KCTD16: variants seen among roughly 807,000 people sequenced by gnomAD.
The protein encoded by KCTD16 is BTB/POZ domain-containing protein KCTD16.
KCTD16 carries 13 observed loss-of-function variants against 33.2 expected under a neutral mutation model. That is an observed-to-expected ratio of 0.39 (90% CI 0.25 to 0.62). KCTD16 has a LOEUF of 0.62. KCTD16 is among the 20% of genes least tolerant of loss of function. The pLI is 0.50. For missense variants in KCTD16, 441 were observed against 525.1 expected (o/e 0.84, Z 1.57); for synonymous variants, 197 against 195.3 (o/e 1.01, Z -0.07).
intron 3 of KCTD16, among the ~76,000 whole-genome samples, chr5:144,239,411 A>C (rs1028163663): frequency 6.6e-6 from 1 of 152,270 alleles, no homozygotes; most frequent in Non-Finnish European, 1.5e-5. Context: ...CAAGACAAAA[A>C]CCACATTACA....
intron 3 of KCTD16, among the ~76,000 whole-genome samples, chr5:144,409,596 C>T (rs61418368): frequency 0.044 from 6,612 of 151,962 alleles, 464 homozygotes; most frequent in African/African-American, 0.15. Flanking sequence ...CTGTGGCTCA[C>T]GCCTGTAATC....
At chr5:144,197,030 A>T (rs1033964791) in intron 2 of KCTD16, among the ~76,000 whole-genome samples, 1 of 152,316 alleles carries the variant, frequency 6.6e-6, no homozygotes, top group Non-Finnish European at 1.5e-5. Flanking sequence ...ATGTGTGTCT[A>T]TGTAGGTCAA....
chr5:144,395,588 C>T (rs954943209), intron 3 of KCTD16, among the ~76,000 whole-genome samples: 4 of 152,204 alleles, frequency 2.6e-5, no homozygotes, highest in Admixed American at 2.0e-4. Flanking sequence ...TTACTCACAG[C>T]CTACCTATTC....
intron 3 of KCTD16, among the ~76,000 whole-genome samples, chr5:144,295,360 C>A (rs1173467659): frequency 1.3e-5 from 2 of 152,128 alleles, no homozygotes; most frequent in African/African-American, 4.8e-5. Flanking sequence ...AATGTGTGTG[C>A]AAATAATGAA....
At chr5:144,189,937 A>G (rs149148151) in intron 2 of KCTD16, among the ~76,000 whole-genome samples, 19 of 152,326 alleles carry the variant, frequency 1.2e-4, no homozygotes, top group African/African-American at 4.1e-4. Flanking sequence ...TGAGGCTGAC[A>G]ACCCACAACC....
At chr5:144,342,497 G>C (rs1752673225) in intron 3 of KCTD16, among the ~76,000 whole-genome samples, 1 of 152,122 alleles carries the variant, frequency 6.6e-6, no homozygotes, top group Non-Finnish European at 1.5e-5. Context: ...GGGTTTTCTA[G>C]ATATACAATC....
chr5:144,383,705 G>T (rs1241740476), intron 3 of KCTD16, among the ~76,000 whole-genome samples: 2 of 151,858 alleles, frequency 1.3e-5, no homozygotes, highest in African/African-American at 4.8e-5. Flanking sequence ...AATGGTGGCT[G>T]GTAGTTTTTC....
chr5:144,418,039 A>C (rs1753114126), intron 3 of KCTD16, among the ~76,000 whole-genome samples: 2 of 152,110 alleles, frequency 1.3e-5, no homozygotes, highest in Admixed American at 1.3e-4. Context: ...TCAGGTGTGA[A>C]GCCACAGACC....
intron 3 of KCTD16, among the ~76,000 whole-genome samples, chr5:144,468,560 C>G (rs1186755259): frequency 1.3e-5 from 2 of 152,184 alleles, no homozygotes; most frequent in African/African-American, 4.8e-5. Context: ...GCTCTCATAG[C>G]CTGCCTATTC....
chr5:144,340,225 AC>A (rs1165836532), intron 3 of KCTD16, among the ~76,000 whole-genome samples: 10 of 151,516 alleles, frequency 6.6e-5, no homozygotes, highest in African/African-American at 2.4e-4. Context: ...CCACAGTGAA[AC>A]CCCGTCTCTA....
At chr5:144,248,993 G>A (rs891541154) in intron 3 of KCTD16, among the ~76,000 whole-genome samples, 2 of 152,112 alleles carry the variant, frequency 1.3e-5, no homozygotes, top group Admixed American at 1.3e-4. Flanking sequence ...TCCTGATCTT[G>A]GAAATCAGAT....
Position 144,180,056 on chromosome 5 carries a change from C to T in KCTD16, c.-327+5584C>T, listed in dbSNP as rs62376792. On this transcript the variant is annotated intron_variant, in intron 2 of 3. Coordinates refer to ENST00000512467, the MANE Select transcript of KCTD16 (RefSeq NM_020768.4). ...CTTGATGAGGTCATTACTGTGCTTC[C>T]ATACAAGCCAGGATCACCATTCTTT... Among the ~76,000 whole-genome samples, 584 of 152,294 alleles carry T rather than the reference C, an allele frequency of 3.8e-3. 4 individuals are homozygous for T. Among genetic ancestry groups the T allele is most frequent in the Middle Eastern group, 0.027 (8 of 294 alleles).
At chr5:144,321,204 A>G (rs532369964) in intron 3 of KCTD16, among the ~76,000 whole-genome samples, 3 of 152,180 alleles carry the variant, frequency 2.0e-5, no homozygotes, top group Middle Eastern at 3.4e-3. Context: ...GGGAAACCCA[A>G]TGATCTCATC....
At chr5:144,427,665 G>A (rs1753361576) in intron 3 of KCTD16, among the ~76,000 whole-genome samples, 2 of 152,112 alleles carry the variant, frequency 1.3e-5, no homozygotes, top group South Asian at 2.1e-4. Flanking sequence ...ATCATCCCCA[G>A]AGATGATGAT....
chr5:144,256,180 A>G (rs1299521213), intron 3 of KCTD16, among the ~76,000 whole-genome samples: 1 of 152,080 alleles, frequency 6.6e-6, no homozygotes, highest in Non-Finnish European at 1.5e-5. Context: ...TCCTTTCCTC[A>G]CGAACTGGGC....
intron 3 of KCTD16, among the ~76,000 whole-genome samples, chr5:144,370,081 G>A (rs766515572): frequency 3.9e-5 from 6 of 152,088 alleles, no homozygotes; most frequent in Admixed American, 1.3e-4. Context: ...CAGTTTGTGG[G>A]TGCTGGGAAT....
Position 144,461,956 on chromosome 5 carries a change from T to C in KCTD16, c.833-11704T>C, listed in dbSNP as rs1754205385. 2.6e-5 allele frequency among the ~76,000 whole-genome samples: 4 copies of C among 152,212 alleles called. No homozygotes were observed. In the South Asian group the frequency reaches 8.3e-4, roughly 32 times the overall value. ...GCCAGAACTTCCCCGCTCTCCAAAG[T>C]CACACTGGGTGCCCTAGTTTTGCAG... On this transcript the variant is annotated intron_variant, in intron 3 of 3. Transcript: ENST00000512467.
chr5:144,410,847 T>G (rs2126953637), intron 3 of KCTD16, among the ~76,000 whole-genome samples: 1 of 152,342 alleles, frequency 6.6e-6, no homozygotes, highest in South Asian at 2.1e-4. Flanking sequence ...TGATACTTTG[T>G]TCTTAAGGCA....
intron 3 of KCTD16, among the ~76,000 whole-genome samples, chr5:144,422,575 G>A (rs945580455): frequency 6.6e-6 from 1 of 152,112 alleles, no homozygotes; most frequent in Admixed American, 6.6e-5. Context: ...TCTAGTTGGG[G>A]AAATGTGGGA....
Sources: gnomAD v4.1 joint callset for allele counts (sites outside exome capture counted in the v4.1 genomes callset) on GRCh38, gnomAD v4.1.1 for gene constraint, MANE v1.5 for transcripts, NCBI Gene and HGNC (gene_info 2026-07-23, HGNC 2026-07-21) for gene names.